The following SSBP2 variants were observed in gnomAD, a reference collection of about 807,000 sequenced individuals.
SSBP2 encodes the protein single-stranded DNA-binding protein 2.
SSBP2 carries 17 observed loss-of-function variants against 61.8 expected under a neutral mutation model. That is an observed-to-expected ratio of 0.28 (90% CI 0.19 to 0.41). SSBP2 has a LOEUF of 0.41. Ranked by LOEUF, SSBP2 falls within the 10% of genes least tolerant of loss-of-function variation. SSBP2 has a pLI of 1.00. For missense variants in SSBP2, 310 were observed against 458.7 expected, an observed-to-expected ratio of 0.68 and a Z score of 2.96; for synonymous variants, 139 against 141.3, an observed-to-expected ratio of 0.98 and a Z score of 0.12.
chr5:81,740,192 A>G (rs1300832085), intron 1 of SSBP2, among the ~76,000 whole-genome samples: 8 of 148,576 alleles, frequency 5.4e-5, no homozygotes, highest in Admixed American at 1.3e-4. Flanking sequence ...ACACATACAC[A>G]TGTGTGTATA....
intron 1 of SSBP2, among the ~76,000 whole-genome samples, chr5:81,710,206 G>A (rs1176786541): frequency 6.6e-6 from 1 of 152,054 alleles, no homozygotes; most frequent in Non-Finnish European, 1.5e-5. Flanking sequence ...ATTATAATGG[G>A]TGTAAAGGGT....
intron 10 of SSBP2, 115 bp downstream of exon 10, chr5:81,460,939 CT>C: frequency 4.0e-6 from 2 of 500,260 alleles, no homozygotes; most frequent in South Asian, 1.3e-4. Flanking sequence ...TGAATGATTA[CT>C]TAAAAAAGGG....
At chr5:81,488,339 C>T (rs950278668) in intron 6 of SSBP2, among the ~76,000 whole-genome samples, 13 of 152,018 alleles carry the variant, frequency 8.6e-5, no homozygotes, top group African/African-American at 3.1e-4. Context: ...TTCCCTGCAA[C>T]AGTGTACAAA....
At chr5:81,526,210 C>A (rs1312919734) in intron 4 of SSBP2, among the ~76,000 whole-genome samples, 2 of 152,030 alleles carry the variant, frequency 1.3e-5, no homozygotes, top group South Asian at 2.1e-4. Context: ...AACTTAAAGT[C>A]AAAAAATTCA....
intron 4 of SSBP2, among the ~76,000 whole-genome samples, chr5:81,576,394 T>A (rs1561556816): frequency 6.6e-6 from 1 of 152,110 alleles, no homozygotes; most frequent in Non-Finnish European, 1.5e-5. Flanking sequence ...ATTCTAAGTG[T>A]CTTATATAAA....
chr5:81,621,925 G>A lies in SSBP2; in HGVS notation c.198-6368C>T, dbSNP rs1379187157. ...GAACAATGAGATCACATGGACACAG[G>A]AAGGGGAATATCACACTCTGGGGAC... On this transcript the variant is annotated intron_variant, in intron 3 of 16. Coordinates refer to ENST00000320672, the MANE Select transcript of SSBP2 (RefSeq NM_012446.5). Among the ~76,000 whole-genome samples, 681 of 119,938 alleles carry A rather than the reference G, an allele frequency of 5.7e-3. 5 individuals carry two copies. The highest frequency in any genetic ancestry group is 0.02 in the African/African-American group (630 of 30,836). 78.7% of individuals were successfully genotyped at this position (119,938 alleles called of 152,430 possible).
In SSBP2 at chr5:81,416,039, AT is replaced by A. The variant is rs1382026525; in HGVS notation, c.*4464del. 1.3e-5 allele frequency: 2 copies of A among 151,906 alleles called. No homozygotes were observed. The highest frequency in any genetic ancestry group is 2.9e-5 in the Non-Finnish European group (2 of 68,100). The allele number at this position is 151,906 out of a possible 1,614,324, so 9.4% of individuals were successfully genotyped here. ...GGAGTTCCAGACCAGCCTGGCCAAC[AT>A]GGTGAAACCCTGCCTCTACTAAAAA... On this transcript the variant is annotated 3_prime_UTR_variant, in exon 17 of 17. Coordinates refer to ENST00000320672, the MANE Select transcript of SSBP2 (RefSeq NM_012446.5).
chr5:81,708,281 A>C (rs1006035671), intron 1 of SSBP2, among the ~76,000 whole-genome samples: 1 of 152,180 alleles, frequency 6.6e-6, no homozygotes, highest in African/African-American at 2.4e-5. Flanking sequence ...ATAAGCTATG[A>C]AAGAGTTATG....
intron 6 of SSBP2, among the ~76,000 whole-genome samples, chr5:81,485,942 A>G (rs1766348109): frequency 6.6e-6 from 1 of 152,236 alleles, no homozygotes; most frequent in Admixed American, 6.5e-5. Flanking sequence ...TAACTAGGTT[A>G]AACATTTCCT....
intron 1 of SSBP2, among the ~76,000 whole-genome samples, chr5:81,664,129 G>GTT (rs71278675): frequency 1.3e-3 from 191 of 141,534 alleles, no homozygotes; most frequent in African/African-American, 2.9e-3. Flanking sequence ...TTTTGTTTTT[G>GTT]TTTTTTTTTT....
At chr5:81,622,699 G>A (rs974854721) in intron 3 of SSBP2, among the ~76,000 whole-genome samples, 7 of 152,268 alleles carry the variant, frequency 4.6e-5, no homozygotes, top group Admixed American at 2.0e-4. Flanking sequence ...GGGCACACAC[G>A]ATGAGGATAC....
intron 4 of SSBP2, among the ~76,000 whole-genome samples, chr5:81,540,931 G>GA (rs71000842): frequency 1.8e-3 from 250 of 139,940 alleles, no homozygotes; most frequent in African/African-American, 5.0e-3. Context: ...CAGAAAGTTA[G>GA]AAAAAAAAAA....
Position 81,601,876 on chromosome 5 carries a change from T to C in SSBP2, c.282+13597A>G, listed in dbSNP as rs188294306. On this transcript the variant is annotated intron_variant, in intron 4 of 16. Transcript: ENST00000320672. Reference sequence around the variant, plus strand: ...ACCTGTGAACTAAAGACACAAATCATCTGCCTCCCACATATTCAAAACACC... The same window carrying C: ...ACCTGTGAACTAAAGACACAAATCACCTGCCTCCCACATATTCAAAACACC... Among the ~76,000 whole-genome samples, 439 of 152,276 alleles carry C rather than the reference T, an allele frequency of 2.9e-3. 2 individuals carry two copies. Among genetic ancestry groups the C allele is most frequent in the African/African-American group, 0.01 (418 of 41,558 alleles).
intron 6 of SSBP2, among the ~76,000 whole-genome samples, chr5:81,479,712 G>A (rs560789323): frequency 2.6e-5 from 4 of 152,218 alleles, no homozygotes; most frequent in Non-Finnish European, 2.9e-5. Flanking sequence ...GTGCATTTGC[G>A]CCAGGAATTG....
At position 81,451,633 on chromosome 5, in the gene SSBP2, G is replaced by A. The variant is rs547815075; in HGVS notation, c.688-2808C>T. Reference sequence around the variant, plus strand: ...GTAGAGATGGGGTTTCACCATGTTGGCCAGGCGGGTCTCGAACCCCTGACC... The same window carrying A: ...GTAGAGATGGGGTTTCACCATGTTGACCAGGCGGGTCTCGAACCCCTGACC... On this transcript the variant is annotated intron_variant, in intron 10 of 16. Transcript: ENST00000320672. Among the ~76,000 whole-genome samples the A allele has an allele frequency of 5.3e-5, 8 of 152,244 alleles. No homozygotes were observed. In the East Asian group the frequency reaches 1.5e-3, roughly 29 times the overall value.
chr5:81,580,280 A>G (rs187861731), intron 4 of SSBP2, among the ~76,000 whole-genome samples: 48 of 152,180 alleles, frequency 3.2e-4, no homozygotes, highest in African/African-American at 9.9e-4. Context: ...ACTGTATAGC[A>G]ATTAGATGGT....
intron 3 of SSBP2, among the ~76,000 whole-genome samples, chr5:81,627,899 C>CA (rs1747328561): frequency 6.6e-6 from 1 of 151,724 alleles, no homozygotes. Context: ...CTCATCGCTA[C>CA]AAAAAAATAT....
chr5:81,435,702 TTATATC>T (rs1172026358), intron 15 of SSBP2, among the ~76,000 whole-genome samples: 1 of 152,228 alleles, frequency 6.6e-6, no homozygotes, highest in Non-Finnish European at 1.5e-5. Flanking sequence ...AGAATTTTGT[TTATATC>T]TATCTTATGT....
intron 4 of SSBP2, among the ~76,000 whole-genome samples, chr5:81,524,378 A>T (rs772773220): frequency 1.3e-5 from 2 of 152,038 alleles, no homozygotes; most frequent in Non-Finnish European, 2.9e-5. Context: ...TGAAACTTGG[A>T]ACAAAGAAAT....
Sources: gnomAD v4.1 joint callset for allele counts (sites outside exome capture counted in the v4.1 genomes callset) on GRCh38, gnomAD v4.1.1 for gene constraint, MANE v1.5 for transcripts, NCBI Gene and HGNC (gene_info 2026-07-23, HGNC 2026-07-21) for gene names.